ACTG1: variants seen among roughly 807,000 people sequenced by gnomAD.
The protein encoded by ACTG1 is actin, cytoplasmic 2.
Under a neutral mutation model 34.3 loss-of-function variants are expected in ACTG1, and 14 were observed. That is an observed-to-expected ratio of 0.41 (90% CI 0.27 to 0.64). The LOEUF is 0.64. Ranked by LOEUF, ACTG1 falls within the 30% of genes least tolerant of loss-of-function variation. The probability of loss-of-function intolerance (pLI) is 0.33; values close to 1 mark genes in which losing one functional copy is unlikely to be tolerated. For synonymous variants in ACTG1, 422 were observed against 213.9 expected, an observed-to-expected ratio of 1.97 and a Z score of -8.49; for missense variants, 233 against 529.5, an observed-to-expected ratio of 0.44 and a Z score of 5.50.
intron 5 of ACTG1, 39 bp downstream of exon 5, chr17:81,510,874 CCCCCAGTCAGCTCT>C: frequency 6.5e-7 from 1 of 1,540,772 alleles, no homozygotes; most frequent in Middle Eastern, 1.7e-4. Context: ...CACAGAGCGC[CCCCCAGTCAGCTCT>C]CCCGAGCCAG....
At position 81,510,518 on chromosome 17, in the gene ACTG1, C is replaced by T; in HGVS notation, c.*172G>A. 1 of 867,710 alleles carries T rather than the reference C, an allele frequency of 1.2e-6. No homozygotes were observed. Among genetic ancestry groups the T allele is most frequent in the Non-Finnish European group, 1.9e-6 (1 of 527,986 alleles). The allele number at this position is 867,710 out of a possible 1,614,324, so 53.8% of individuals were successfully genotyped here. On this transcript the variant is annotated 3_prime_UTR_variant, in exon 6 of 6. Transcript: ENST00000573283. ...AACTTCAATACAAGGTCAAAATCAGCAACAAGTTCTACAATCCAGTGCTGA... is the reference window on the plus strand; with the variant it reads ...AACTTCAATACAAGGTCAAAATCAGTAACAAGTTCTACAATCCAGTGCTGA...
chr17:81,512,475 T>G (rs926610946), intron 1 of ACTG1, 115 bp from the exon 2 acceptor site: 2 of 1,572,686 alleles, frequency 1.3e-6, no homozygotes, highest in Non-Finnish European at 1.7e-6. Flanking sequence ...CCAGCGGCCG[T>G]GGCCTCCAAG....
In ACTG1 at chr17:81,512,443, A is replaced by C. The variant is rs8064532; in HGVS notation, c.-6-83T>G. 878,325 of 1,609,122 alleles carry C rather than the reference A, an allele frequency of 0.55. 248,110 individuals carry two copies. Among genetic ancestry groups the C allele is most frequent in the Non-Finnish European group, 0.58 (682,569 of 1,177,646 alleles). On this transcript the variant is annotated intron_variant, in intron 1 of 5. Transcript: ENST00000573283. ...AGCCACCTAATGCCCTCCCGCGGGG[A>C]AGCCTCGGCCCTGCCCCAACCCCAG...
rs115307446 is a variant in ACTG1, at chr17:81,512,156, C to T, written c.124-14G>A. On this transcript the variant is annotated splice_polypyrimidine_tract_variant and intron_variant, in intron 2 of 5. Transcript: ENST00000573283. ...CACCATGACGCCCTGCAGGGGACGA[C>T]CCGTCAGCCTCGCCGGCGACACCGA... The T allele has an allele frequency of 2.0e-3, 3,293 of 1,613,348 alleles. 56 individuals carry two copies. The African/African-American group carries it at 0.038, about 19-fold the overall frequency.
At chr17:81,511,829 A>C in intron 3 of ACTG1, 74 bp downstream of exon 3, 1 of 1,607,670 alleles carries the variant, frequency 6.2e-7, no homozygotes, top group Non-Finnish European at 8.5e-7. Flanking sequence ...AAACACTTAA[A>C]TGTCAGAAAT....
In ACTG1 at chr17:81,510,032, C is replaced by T. The variant is rs558574409; in HGVS notation, c.*658G>A. 4.2e-4 allele frequency: 184 copies of T among 442,368 alleles called. No individual in the cohort carries two copies. Among genetic ancestry groups the T allele is most frequent in the African/African-American group, 3.3e-3 (162 of 49,226 alleles). The allele number at this position is 442,368 out of a possible 1,614,324, so 27.4% of individuals were successfully genotyped here. ...TGACGTGTTGCTGGGGCCTAATGTT[C>T]TCACATAACAGTAGAAAACCAAAAT... On this transcript the variant is annotated 3_prime_UTR_variant, in exon 6 of 6. Transcript: ENST00000573283.
chr17:81,512,629 C>G (rs879949247), intron 1 of ACTG1, 105 bp downstream of exon 1: 27 of 510,534 alleles, frequency 5.3e-5, no homozygotes, highest in Non-Finnish European at 5.9e-5. Flanking sequence ...CCTTTTGTTC[C>G]CGGGGAAGGC....
intron 3 of ACTG1, 112 bp from the exon 4 acceptor site, chr17:81,511,738 C>A (rs781951213): frequency 5.3e-6 from 8 of 1,517,248 alleles, no homozygotes; most frequent in Admixed American, 1.9e-5. Context: ...AAGAAAAGAA[C>A]GCAGGCAGAA....
chr17:81,512,516 CT>C, intron 1 of ACTG1, 156 bp from the exon 2 acceptor site: 2 of 1,250,318 alleles, frequency 1.6e-6, no homozygotes, highest in Non-Finnish European at 2.3e-6. Context: ...AAGGCCGGGC[CT>C]TTTACGTAAC....
rs1555666041 is a variant in ACTG1 at position 81,510,159 on chromosome 17, C to G, written c.*531G>C. ...AGGCGTAAATGCAAACCGCTTCCAACTCAAAGCAAGTAACAGCCCACGGTG... is the reference window on the plus strand; with the variant it reads ...AGGCGTAAATGCAAACCGCTTCCAAGTCAAAGCAAGTAACAGCCCACGGTG... On this transcript the variant is annotated 3_prime_UTR_variant, in exon 6 of 6. Transcript: ENST00000573283. 2 of 511,980 alleles carry G rather than the reference C, an allele frequency of 3.9e-6. No homozygotes were observed. The highest frequency in any genetic ancestry group is 6.8e-5 in the East Asian group (1 of 14,628). 31.7% of individuals were successfully genotyped at this position (511,980 alleles called of 1,614,324 possible). A position where few individuals can be genotyped will look rare whatever the true frequency, so the allele number is the denominator to read the frequency against.
intron 3 of ACTG1, 75 bp downstream of exon 3, chr17:81,511,828 A>G (rs782586702): frequency 1.2e-6 from 2 of 1,607,442 alleles, no homozygotes; most frequent in Non-Finnish European, 8.5e-7. Context: ...GAAACACTTA[A>G]ATGTCAGAAA....
rs11549209 is a variant in ACTG1, at chr17:81,511,996, G to A, written c.270C>T (p.Phe90=). The A allele has an allele frequency of 4.3e-6, 7 of 1,613,998 alleles. No homozygotes were observed. The highest frequency in any genetic ancestry group is 1.3e-5 in the African/African-American group (1 of 74,954). The change falls in exon 3 of 6, where the codon TTC becomes TTT. Residue 90 remains phenylalanine (F), a synonymous_variant. Transcript: ENST00000573283. ...CCGGGGCCACGCGCAGCTCGTTGTA[G>A]AAGGTGTGGTGCCAGATCTTCTCCA... ...DDMEKIWHHT[F]YNELRVAPEE... is the part of the protein sequence containing the mutation.
At position 81,510,741 on chromosome 17, in the gene ACTG1, C is replaced by T. The variant is rs781841639; in HGVS notation, c.1077G>A (p.Lys359=). ...AGGGGCCCGACTCGTCGTACTCCTG[C>T]TTGCTAATCCACATCTGCTGGAAGG... ...LSTFQQMWIS[K]QEYDESGPSI... The change falls in exon 6 of 6, where the codon AAG becomes AAA. Residue 359 remains lysine, a synonymous_variant. Coordinates refer to ENST00000573283, the MANE Select transcript of ACTG1 (RefSeq NM_001614.5). The T allele has an allele frequency of 8.1e-6, 13 of 1,614,054 alleles. No homozygotes were observed. The highest frequency in any genetic ancestry group is 3.3e-5 in the South Asian group (3 of 91,076).
rs782246678 is a variant in ACTG1, at chr17:81,512,359, A to G, written c.-5T>C. On this transcript the variant is annotated splice_region_variant and 5_prime_UTR_variant, in exon 2 of 6. Transcript: ENST00000573283. ...CGCGGCGATCTCTTCTTCCATTGCG[A>G]CCTGCCCGGAAAAGGATGGACTCAG... 1.9e-6 allele frequency: 3 copies of G among 1,613,816 alleles called. No individual in the cohort carries two copies. Among genetic ancestry groups the G allele is most frequent in the Non-Finnish European group, 1.7e-6 (2 of 1,179,918 alleles).
Position 81,511,330 on chromosome 17 carries a change from G to A in ACTG1, c.660C>T (p.Ala220=), listed in dbSNP as rs11549205. 2.2e-5 allele frequency: 35 copies of A among 1,613,730 alleles called. No individual in the cohort carries two copies. The highest frequency in any genetic ancestry group is 3.3e-5 in the South Asian group (3 of 91,088). ...TGGCCATCTCCTGCTCGAAGTCCAGGGCGACGTAGCACAGCTTCTCCTTGA... is the reference window on the plus strand; with the variant it reads ...TGGCCATCTCCTGCTCGAAGTCCAGAGCGACGTAGCACAGCTTCTCCTTGA... ...RDIKEKLCYV[A]LDFEQEMATA... The change falls in exon 4 of 6, where the codon GCC becomes GCT. Residue 220 remains alanine, a synonymous_variant. Coordinates refer to ENST00000573283, the MANE Select transcript of ACTG1 (RefSeq NM_001614.5).
chr17:81,510,672 C>T lies in ACTG1; in HGVS notation c.*18G>A, dbSNP rs567869370. 76 of 1,613,384 alleles carry T rather than the reference C, an allele frequency of 4.7e-5. 1 individual carries two copies. Among genetic ancestry groups the T allele is most frequent in the East Asian group, 2.2e-4 (10 of 44,886 alleles). On this transcript the variant is annotated 3_prime_UTR_variant, in exon 6 of 6. Transcript: ENST00000573283. ...CAATTAACCCATGCAGCAAATGCTACGCATCTGCTGAGTCCGTTTAGAAGC... is the reference window on the plus strand; with the variant it reads ...CAATTAACCCATGCAGCAAATGCTATGCATCTGCTGAGTCCGTTTAGAAGC...
At position 81,510,618 on chromosome 17, in the gene ACTG1, T is replaced by C. The variant is rs1555666284; in HGVS notation, c.*72A>G. ...TTTCGTGAGGCTAGCATGAGGTGTG[T>C]GCATTTGCCAGGGGCAAATTTCTAT... On this transcript the variant is annotated 3_prime_UTR_variant, in exon 6 of 6. Transcript: ENST00000573283. 15 of 1,582,838 alleles carry C rather than the reference T, an allele frequency of 9.5e-6. No individual in the cohort carries two copies. The highest frequency in any genetic ancestry group is 7.7e-5 in the South Asian group (7 of 90,466).
chr17:81,511,210 C>T lies in ACTG1; in HGVS notation c.780G>A (p.Ala260=), dbSNP rs140846345. ...TACCCAGGAAGGAAGGCTGGAACAGCGCCTCCGGACACCGGAACCGCTCAT... is the reference window on the plus strand; with the variant it reads ...TACCCAGGAAGGAAGGCTGGAACAGTGCCTCCGGACACCGGAACCGCTCAT... The part of the protein sequence containing the change: ...IGNERFRCPE[A]LFQPSFLGME... The change falls in exon 4 of 6, where the codon GCG becomes GCA. Residue 260 remains alanine, a synonymous_variant. Transcript: ENST00000573283. 1.5e-3 allele frequency: 2,482 copies of T among 1,613,720 alleles called. 26 individuals carry two copies. The highest frequency in any genetic ancestry group is 7.3e-4 in the Non-Finnish European group (857 of 1,180,036).
rs782229732 is a variant in ACTG1 at position 81,510,077 on chromosome 17, G to T, written c.*613C>A. On this transcript the variant is annotated 3_prime_UTR_variant, in exon 6 of 6. Transcript: ENST00000573283. ...CAAAATTTGTTGTCATCTCTTCAAA[G>T]AATCGAGAATTGCGTACAAAAAAAA... The T allele has an allele frequency of 8.8e-6, 4 of 456,402 alleles. No individual in the cohort carries two copies. The highest frequency in any genetic ancestry group is 1.7e-5 in the Non-Finnish European group (4 of 229,788). 28.3% of individuals were successfully genotyped at this position (456,402 alleles called of 1,614,324 possible).
Sources: gnomAD v4.1 joint callset for allele counts on GRCh38, gnomAD v4.1.1 for gene constraint, MANE v1.5 for transcripts, NCBI Gene and HGNC (gene_info 2026-07-23, HGNC 2026-07-21) for gene names.